The following PHLPP1 variants were observed in gnomAD, a reference collection of about 807,000 sequenced individuals.
PHLPP1 encodes PH domain and leucine rich repeat protein phosphatase 1, also known as PH domain leucine-rich repeat-containing protein phosphatase 1.
Under a neutral mutation model 117.2 loss-of-function variants are expected in PHLPP1, and 42 were observed. The observed-to-expected ratio is 0.36, with a 90% CI of 0.28 to 0.46. PHLPP1 has a LOEUF of 0.46. Ranked by LOEUF, PHLPP1 falls within the 20% of genes least tolerant of loss-of-function variation. The pLI, the probability that PHLPP1 is intolerant of heterozygous loss-of-function variation, is 1.00. For missense variants in PHLPP1, 2,084 were observed against 2,241.9 expected (o/e 0.93, Z 1.42); for synonymous variants, 1,042 against 970.7 (o/e 1.07, Z -1.37).
chr18:62,809,667 A>G (rs1301991170), intron 1 of PHLPP1, among the ~76,000 whole-genome samples: 1 of 151,550 alleles, frequency 6.6e-6, no homozygotes, highest in Non-Finnish European at 1.5e-5. Context: ...GCGCCACTGC[A>G]CTCCAGCCTG....
chr18:62,940,354 CTTTTTTTTTTTTTTTT>C (rs66530466), intron 10 of PHLPP1, among the ~76,000 whole-genome samples: 13 of 46,812 alleles, frequency 2.8e-4, no homozygotes, highest in East Asian at 1.6e-3. Flanking sequence ...TCTTTCTTTT[CTTTTTTTTTTTTTTTT>C]TTTTTTTTTT....
At chr18:62,822,278 TTGTTTTTG>T (rs1914485683) in intron 1 of PHLPP1, among the ~76,000 whole-genome samples, 2 of 145,832 alleles carry the variant, frequency 1.4e-5, no homozygotes, top group Non-Finnish European at 3.0e-5. Context: ...TTTTTTTTTT[TTGTTTTTG>T]TTTTTTTTTT....
intron 1 of PHLPP1, among the ~76,000 whole-genome samples, chr18:62,723,488 T>G (rs760081203): frequency 2.0e-5 from 3 of 152,254 alleles, no homozygotes; most frequent in Non-Finnish European, 4.4e-5. Context: ...CACATTCTGT[T>G]TAAGCAGGAA....
rs139863009 is a variant in PHLPP1 at position 62,808,465 on chromosome 18, A to G, written c.1577-21570A>G. 1.4e-3 allele frequency among the ~76,000 whole-genome samples: 208 copies of G among 152,260 alleles called. 1 individual carries two copies. The highest frequency in any genetic ancestry group is 4.9e-3 in the African/African-American group (205 of 41,566). On this transcript the variant is annotated intron_variant, in intron 1 of 16. Coordinates refer to ENST00000262719, the MANE Select transcript of PHLPP1 (RefSeq NM_194449.4). ...TGATAAAATTTATCACGCTAATTAT[A>G]TGCACATGGATACTTTTTAATAGTT...
intron 10 of PHLPP1, among the ~76,000 whole-genome samples, chr18:62,934,785 A>G (rs551079222): frequency 6.6e-6 from 1 of 152,348 alleles, no homozygotes; most frequent in East Asian, 1.9e-4. Flanking sequence ...TCATGTGTGG[A>G]TAAACAAGGT....
intron 3 of PHLPP1, chr18:62,839,723 A>AT (rs1195488607): frequency 1.7e-4 from 25 of 145,270 alleles, no homozygotes; most frequent in African/African-American, 5.9e-4. Context: ...ACTTAAAAAA[A>AT]AAATATATAT....
chr18:62,838,109 A>G (rs911919138), intron 2 of PHLPP1: 5 of 152,042 alleles, frequency 3.3e-5, no homozygotes, highest in African/African-American at 1.2e-4. Flanking sequence ...CTTTTATTGC[A>G]ACATACAGAT....
At chr18:62,971,032 C>T (rs1911035620) in intron 14 of PHLPP1, among the ~76,000 whole-genome samples, 1 of 152,162 alleles carries the variant, frequency 6.6e-6, no homozygotes, top group Admixed American at 6.5e-5. Flanking sequence ...TAGTTGTTTT[C>T]CGTTGGTACG....
chr18:62,869,844 G>A (rs1915855647), intron 4 of PHLPP1, among the ~76,000 whole-genome samples: 1 of 152,164 alleles, frequency 6.6e-6, no homozygotes, highest in South Asian at 2.1e-4. Context: ...TGGTGAAGCT[G>A]CTGTTTTGCT....
intron 1 of PHLPP1, among the ~76,000 whole-genome samples, chr18:62,790,251 CCAAA>C (rs1292315827): frequency 6.6e-6 from 1 of 152,066 alleles, no homozygotes. Context: ...TCTAAGCAGC[CCAAA>C]CAGACACTAC....
chr18:62,829,688 G>T (rs1914703335), intron 1 of PHLPP1, among the ~76,000 whole-genome samples: 1 of 152,094 alleles, frequency 6.6e-6, no homozygotes, highest in Non-Finnish European at 1.5e-5. Flanking sequence ...GGAGGCAGAG[G>T]TTGCAATTAG....
chr18:62,815,595 G>C (rs1233129304), intron 1 of PHLPP1, among the ~76,000 whole-genome samples: 4 of 152,168 alleles, frequency 2.6e-5, no homozygotes, highest in African/African-American at 9.6e-5. Context: ...TCACGACAGG[G>C]CAGCTGGCTT....
At chr18:62,843,534 AAT>A (rs1354939289) in intron 3 of PHLPP1, among the ~76,000 whole-genome samples, 1 of 152,162 alleles carries the variant, frequency 6.6e-6, no homozygotes, top group Non-Finnish European at 1.5e-5. Context: ...TTTAGCACTT[AAT>A]ATTGCTTACC....
rs1916552107 is a variant in PHLPP1, at chr18:62,895,950, G to A, written c.2383G>A (p.Val795Met). The A allele has an allele frequency of 4.3e-6, 7 of 1,613,888 alleles. No individual in the cohort carries two copies. The highest frequency in any genetic ancestry group is 5.9e-6 in the Non-Finnish European group (7 of 1,179,784). ...VDKLCMSGNC[V>M]ETLRLQALRK... The stretch of plus-strand genomic sequence containing the variant: ...TAAACTTTGTATGTCTGGAAACTGT[G>A]TGGAGACCCTTAGGCTACAGGCTTT... The change falls in exon 6 of 17, where the codon GTG (valine) becomes ATG (methionine). Residue 795 changes from valine to methionine, a missense_variant. Val to Met is a conservative substitution (Grantham distance 21). Transcript: ENST00000262719.
chr18:62,718,296 G>A (rs112847356), intron 1 of PHLPP1, among the ~76,000 whole-genome samples: 36 of 152,140 alleles, frequency 2.4e-4, no homozygotes, highest in African/African-American at 8.0e-4. Context: ...CTAACTTTAC[G>A]TTTTTAGGTT....
intron 13 of PHLPP1, among the ~76,000 whole-genome samples, chr18:62,962,535 C>T (rs1346985245): frequency 6.6e-6 from 1 of 152,184 alleles, no homozygotes; most frequent in Non-Finnish European, 1.5e-5. Context: ...TCTCGAACTC[C>T]CGACCTCAGG....
intron 3 of PHLPP1, among the ~76,000 whole-genome samples, chr18:62,857,751 C>T (rs1202155811): frequency 6.6e-6 from 1 of 152,212 alleles, no homozygotes; most frequent in Non-Finnish European, 1.5e-5. Context: ...TAACAGTTAT[C>T]ATGTAGTATC....
rs1394992694 is a variant in PHLPP1, at chr18:62,715,746, T to C, written c.63T>C (p.Ala21=). ...CCGAGCTCGGCAGGGAGGACCGAGC[T>C]TCGGCTCCGGCGGCCGCCGCTGCGG... ...RLPELGREDR[A]SAPAAAAAAA... is the part of the protein sequence containing the mutation. Residue 21 remains alanine (A), a synonymous_variant, in exon 1 of 17, where the codon GCT becomes GCC. Transcript: ENST00000262719. 9 of 1,205,040 alleles carry C rather than the reference T, an allele frequency of 7.5e-6. No individual in the cohort carries two copies. The highest frequency in any genetic ancestry group is 8.8e-5 in the Admixed American group (2 of 22,822). 74.6% of individuals were successfully genotyped at this position (1,205,040 alleles called of 1,614,324 possible). A position where few individuals can be genotyped will look rare whatever the true frequency, so the allele number is the denominator to read the frequency against.
At chr18:62,802,967 A>G (rs1913828840) in intron 1 of PHLPP1, among the ~76,000 whole-genome samples, 1 of 152,234 alleles carries the variant, frequency 6.6e-6, no homozygotes, top group Admixed American at 6.5e-5. Context: ...TGAGGGTTGA[A>G]TAAAGGTAAG....
Sources: gnomAD v4.1 joint callset for allele counts (sites outside exome capture counted in the v4.1 genomes callset) on GRCh38, gnomAD v4.1.1 for gene constraint, MANE v1.5 for transcripts, NCBI Gene and HGNC (gene_info 2026-07-23, HGNC 2026-07-21) for gene names.